The following RFX1 variants were observed in gnomAD, a reference collection of about 807,000 sequenced individuals.
RFX1 encodes the protein MHC class II regulatory factor RFX1.
A neutral mutation model predicts 119.6 loss-of-function variants in RFX1; 42 were observed. The ratio of observed to expected loss-of-function variants is 0.35; its 90% CI spans 0.27 to 0.45. The LOEUF (loss-of-function observed/expected upper bound fraction) is 0.45, where lower values mean the gene tolerates loss of function less well. Among genes scored for constraint, RFX1 ranks in the 20% least tolerant of loss-of-function variants. The pLI is 1.00. For synonymous variants in RFX1, 628 were observed against 618.5 expected (o/e 1.02, Z -0.23); for missense variants, 1,118 against 1,368.1 (o/e 0.82, Z 2.88).
chr19:13,975,949 A>T (rs1763902140), intron 8 of RFX1, among the ~76,000 whole-genome samples: 1 of 152,230 alleles, frequency 6.6e-6, no homozygotes, highest in Admixed American at 6.5e-5. Context: ...GCAACGATGA[A>T]CTAGGTGCAA....
intron 1 of RFX1, among the ~76,000 whole-genome samples, chr19:14,003,542 G>GT (rs1326385050): frequency 1.3e-5 from 2 of 152,186 alleles, no homozygotes; most frequent in African/African-American, 4.8e-5. Context: ...GACAATCACC[G>GT]TAACAGCAGA....
intron 1 of RFX1, among the ~76,000 whole-genome samples, chr19:13,998,722 CCA>C (rs1359705185): frequency 2.0e-5 from 3 of 152,142 alleles, no homozygotes; most frequent in African/African-American, 7.2e-5. Flanking sequence ...TGAAATGGCC[CCA>C]GAGTCTGTTT....
chr19:14,000,076 A>C (rs757562764), intron 1 of RFX1, among the ~76,000 whole-genome samples: 4 of 152,336 alleles, frequency 2.6e-5, no homozygotes, highest in South Asian at 2.1e-4. Context: ...CTTCATCTAT[A>C]GAATGGCTTC....
intron 7 of RFX1, 147 bp downstream of exon 7, chr19:13,979,300 C>T: frequency 2.0e-6 from 1 of 504,568 alleles, no homozygotes; most frequent in South Asian, 4.2e-5. Flanking sequence ...CCTGAGCTGC[C>T]AGGGGGCCGG....
At position 13,966,793 on chromosome 19, in the gene RFX1, G is replaced by A; in HGVS notation, c.1733-42C>T. 7.2e-7 allele frequency: 1 copy of A among 1,392,600 alleles called. No homozygotes were observed. The highest frequency in any genetic ancestry group is 1.0e-6 in the Non-Finnish European group (1 of 1,001,672). 86.3% of individuals were successfully genotyped at this position (1,392,600 alleles called of 1,614,324 possible). The stretch of plus-strand genomic sequence containing the variant: ...AACCGTGAGGCCCTTCATCCCCCTT[G>A]CCTGCCCACCCTGGGGTCCTACTGA... On this transcript the variant is annotated intron_variant, in intron 12 of 20. Coordinates refer to ENST00000254325, the MANE Select transcript of RFX1 (RefSeq NM_002918.5). This position sits in a 1 kb window ranked among gnomAD's most constrained non-coding sequence, Gnocchi z 6.3.
At position 13,991,670 on chromosome 19, in the gene RFX1, CT is replaced by C. The variant is rs555287042; in HGVS notation, c.319+1854del. Among the ~76,000 whole-genome samples, 190 of 151,480 alleles carry C rather than the reference CT, an allele frequency of 1.3e-3. 2 individuals are homozygous for C. Among genetic ancestry groups the C allele is most frequent in the African/African-American group, 4.2e-3 (172 of 41,330 alleles). ...GGGCCAATTGCTACACTTTTCATTACTTTTTTTTTGAGATGGATTCTCGCTC... is the reference window on the plus strand; with the variant it reads ...GGGCCAATTGCTACACTTTTCATTACTTTTTTTTGAGATGGATTCTCGCTC... On this transcript the variant is annotated intron_variant, in intron 2 of 20. Transcript: ENST00000254325.
At chr19:13,992,156 T>G (rs896270793) in intron 2 of RFX1, among the ~76,000 whole-genome samples, 25 of 152,034 alleles carry the variant, frequency 1.6e-4, no homozygotes, top group Admixed American at 1.6e-3. Context: ...AAAAACACAC[T>G]AGCTGTGCAC....
intron 8 of RFX1, among the ~76,000 whole-genome samples, chr19:13,976,937 AGT>A (rs1204985533): frequency 6.6e-6 from 1 of 152,000 alleles, no homozygotes; most frequent in Non-Finnish European, 1.5e-5. Flanking sequence ...CGTGAGCTGC[AGT>A]GAGCCCTGAT....
In RFX1 at chr19:13,969,732, C is replaced by T. The variant is rs963973372; in HGVS notation, c.1496+262G>A. 1.9e-5 allele frequency: 8 copies of T among 417,564 alleles called. No individual in the cohort carries two copies. Among genetic ancestry groups the T allele is most frequent in the South Asian group, 6.4e-5 (1 of 15,678 alleles). 25.9% of individuals were successfully genotyped at this position (417,564 alleles called of 1,614,324 possible). On this transcript the variant is annotated intron_variant, in intron 10 of 20. Coordinates refer to ENST00000254325, the MANE Select transcript of RFX1 (RefSeq NM_002918.5). The surrounding 1 kb of genome is among the most constrained non-coding windows in gnomAD (Gnocchi z 4.5). ...AAAATAAAGCAGGGTTGGGGGGTGT[C>T]GGGCAGGGGAGAGGGGGAGGCTGCA...
At chr19:13,999,732 A>G (rs1295271051) in intron 1 of RFX1, among the ~76,000 whole-genome samples, 1 of 151,804 alleles carries the variant, frequency 6.6e-6, no homozygotes, top group Non-Finnish European at 1.5e-5. Context: ...CTGGAGTGCA[A>G]TGGCACAGTC....
intron 2 of RFX1, 47 bp downstream of exon 2, chr19:13,993,478 G>A: frequency 1.3e-6 from 2 of 1,562,182 alleles, no homozygotes; most frequent in South Asian, 2.4e-5. Flanking sequence ...TAGGCTATCT[G>A]AACAACTCTG....
At chr19:13,988,893 G>A (rs373359328) in intron 2 of RFX1, among the ~76,000 whole-genome samples, 3 of 152,214 alleles carry the variant, frequency 2.0e-5, no homozygotes, top group South Asian at 2.1e-4. Context: ...GTGGTGGTGC[G>A]CCCCTGTAAT....
chr19:13,991,125 G>A (rs756768784), intron 2 of RFX1, among the ~76,000 whole-genome samples: 4 of 152,208 alleles, frequency 2.6e-5, no homozygotes, highest in South Asian at 4.1e-4. Flanking sequence ...GGGTGGTGCT[G>A]CTTAATCCAA....
intron 12 of RFX1, among the ~76,000 whole-genome samples, chr19:13,967,439 C>T (rs527311955): frequency 2.7e-5 from 4 of 149,690 alleles, no homozygotes; most frequent in South Asian, 2.1e-4. Flanking sequence ...GGCCTCCCAA[C>T]GTGCTGGGAT....
At chr19:13,962,914 G>A in intron 20 of RFX1, 50 bp from the exon 21 acceptor site, 1 of 1,542,694 alleles carries the variant, frequency 6.5e-7, no homozygotes, top group East Asian at 2.5e-5. Context: ...CAACGCCCCC[G>A]GGCTCCTCCT....
intron 2 of RFX1, among the ~76,000 whole-genome samples, chr19:13,988,534 G>A (rs1974688758): frequency 1.3e-5 from 2 of 152,202 alleles, no homozygotes; most frequent in Admixed American, 1.3e-4. Flanking sequence ...CTGGTGACAT[G>A]CGAGGCCTCC....
intron 1 of RFX1, among the ~76,000 whole-genome samples, chr19:14,001,208 G>C (rs949920977): frequency 6.6e-6 from 1 of 152,090 alleles, no homozygotes; most frequent in Non-Finnish European, 1.5e-5. Context: ...GTCTCAGCTC[G>C]TACACACTTC....
rs1030754179 is a variant in RFX1 at position 13,986,295 on chromosome 19, G to A, written c.320-2700C>T. On this transcript the variant is annotated intron_variant, in intron 2 of 20. Transcript: ENST00000254325. This position sits in a 1 kb window ranked among gnomAD's most constrained non-coding sequence, Gnocchi z 4.2. ...CTGAGCAGGACCTACAGCAGGAGGA[G>A]GCCTGGGGACCTGCTGAGACCAGGT... is the stretch of plus-strand genomic sequence containing the variant. Among the ~76,000 whole-genome samples the A allele has an allele frequency of 2.0e-5, 3 of 152,176 alleles. No individual in the cohort carries two copies. Among genetic ancestry groups the A allele is most frequent in the Non-Finnish European group, 4.4e-5 (3 of 68,006 alleles).
rs1349854216 is a variant in RFX1, at chr19:13,980,807, A to T, written c.622-118T>A. 1 of 598,042 alleles carries T rather than the reference A, an allele frequency of 1.7e-6. No individual in the cohort carries two copies. Among genetic ancestry groups the T allele is most frequent in the Non-Finnish European group, 2.9e-6 (1 of 339,636 alleles). The allele number at this position is 598,042 out of a possible 1,614,324, so 37.0% of individuals were successfully genotyped here. On this transcript the variant is annotated intron_variant, in intron 5 of 20. Transcript: ENST00000254325. This position sits in a 1 kb window ranked among gnomAD's most constrained non-coding sequence, Gnocchi z 5.1. Reference sequence around the variant, plus strand: ...CTGGGGAGGGCGGCAGTCTGTGGGGACCTATCCCAACCACCGAGGCTGGTA... The same window carrying T: ...CTGGGGAGGGCGGCAGTCTGTGGGGTCCTATCCCAACCACCGAGGCTGGTA...
Sources: gnomAD v4.1 joint callset for allele counts (sites outside exome capture counted in the v4.1 genomes callset) on GRCh38, gnomAD v4.1.1 for gene constraint, Gnocchi (gnomAD v3.1) non-coding constraint, MANE v1.5 for transcripts, NCBI Gene and HGNC (gene_info 2026-07-23, HGNC 2026-07-21) for gene names.